Variants in DGKI observed in about 807,000 individuals in gnomAD.
DGKI encodes the protein diacylglycerol kinase iota.
Under a neutral mutation model 147.5 loss-of-function variants are expected in DGKI, and 55 were observed. That is an observed-to-expected ratio of 0.37 (90% CI 0.30 to 0.47). DGKI has a LOEUF of 0.47. Ranked by LOEUF, DGKI falls within the 20% of genes least tolerant of loss-of-function variation. DGKI has a pLI of 1.00. For missense variants in DGKI, 1,007 were observed against 1,323.8 expected, an observed-to-expected ratio of 0.76 and a Z score of 3.71; for synonymous variants, 469 against 477.1, an observed-to-expected ratio of 0.98 and a Z score of 0.22.
intron 19 of DGKI, among the ~76,000 whole-genome samples, chr7:137,559,273 G>A (rs962915438): frequency 4.6e-5 from 7 of 150,702 alleles, no homozygotes; most frequent in African/African-American, 7.3e-5. Flanking sequence ...GGGTTTCACC[G>A]TTATAGCCGG....
chr7:137,392,125 A>G (rs1562990780), intron 32 of DGKI, among the ~76,000 whole-genome samples: 1 of 152,204 alleles, frequency 6.6e-6, no homozygotes, highest in Non-Finnish European at 1.5e-5. Flanking sequence ...GTAATATATC[A>G]TAAATTTGTC....
chr7:137,647,462 A>G (rs1345145012), intron 5 of DGKI, among the ~76,000 whole-genome samples: 2 of 152,178 alleles, frequency 1.3e-5, no homozygotes, highest in Non-Finnish European at 2.9e-5. Flanking sequence ...ATGCTGTCTG[A>G]GCAATATTAC....
rs913657766 is a variant in DGKI at position 137,390,857 on chromosome 7, C to A, written c.*363G>T. On this transcript the variant is annotated 3_prime_UTR_variant, in exon 33 of 33. Coordinates refer to ENST00000614521, the MANE Select transcript of DGKI (RefSeq NM_001321708.2). Reference sequence around the variant, plus strand: ...GAATTGTATGGTACAGGGAAAAAAACCAATGCATAGGGGGAGGATGGAGCA... The same window carrying A: ...GAATTGTATGGTACAGGGAAAAAAAACAATGCATAGGGGGAGGATGGAGCA... 1.7e-5 allele frequency: 4 copies of A among 232,660 alleles called. No homozygotes were observed. The highest frequency in any genetic ancestry group is 3.4e-5 in the Non-Finnish European group (4 of 117,998). 14.4% of individuals were successfully genotyped at this position (232,660 alleles called of 1,614,324 possible). A position where few individuals can be genotyped will look rare whatever the true frequency, so the allele number is the denominator to read the frequency against.
rs528009584 is a variant in DGKI, at chr7:137,701,694, A to G, written c.402-11692T>C. Among the ~76,000 whole-genome samples, 6 of 152,302 alleles carry G rather than the reference A, an allele frequency of 3.9e-5. No individual in the cohort carries two copies. The East Asian group carries it at 9.6e-4, about 24-fold the overall frequency. On this transcript the variant is annotated intron_variant, in intron 1 of 32. Transcript: ENST00000614521. ...AAAACATCACTGATAAAAATTAAAG[A>G]TGTAAATAAACATACCATATTTGTG...
intron 8 of DGKI, among the ~76,000 whole-genome samples, chr7:137,617,540 G>C (rs147001451): frequency 2.2e-4 from 34 of 152,076 alleles, no homozygotes; most frequent in African/African-American, 8.0e-4. Flanking sequence ...TACAGACTAA[G>C]TGGTATGCTG....
In DGKI at chr7:137,610,098, C is replaced by T. The variant is rs368385249; in HGVS notation, c.994-489G>A. 5.4e-5 allele frequency among the ~76,000 whole-genome samples: 8 copies of T among 148,026 alleles called. No individual in the cohort carries two copies. In the South Asian group the frequency reaches 1.7e-3, roughly 32 times the overall value. On this transcript the variant is annotated intron_variant, in intron 8 of 32. Coordinates refer to ENST00000614521, the MANE Select transcript of DGKI (RefSeq NM_001321708.2). ...TTTACTCTTTTGGTAATGATCTTTT[C>T]TAGTAATAGTCATAAAGTGACTCTT...
chr7:137,535,686 T>C (rs1257091433), intron 20 of DGKI, among the ~76,000 whole-genome samples: 1 of 152,158 alleles, frequency 6.6e-6, no homozygotes, highest in East Asian at 1.9e-4. Context: ...TCTACACCTA[T>C]GAGGACATAA....
chr7:137,767,179 C>T (rs1398253347), intron 1 of DGKI, among the ~76,000 whole-genome samples: 1 of 152,158 alleles, frequency 6.6e-6, no homozygotes, highest in Non-Finnish European at 1.5e-5. Context: ...CTGATGGCTG[C>T]AGATCTCCTG....
At chr7:137,511,794 A>T (rs1037340435) in intron 21 of DGKI, among the ~76,000 whole-genome samples, 1 of 152,212 alleles carries the variant, frequency 6.6e-6, no homozygotes, top group Non-Finnish European at 1.5e-5. Flanking sequence ...AGAGGCTAAA[A>T]GTTTGCTGAT....
chr7:137,460,413 A>C (rs1476351114), intron 27 of DGKI, among the ~76,000 whole-genome samples: 1 of 152,236 alleles, frequency 6.6e-6, no homozygotes, highest in African/African-American at 2.4e-5. Context: ...AAAAACCCAC[A>C]TATATCAATA....
intron 1 of DGKI, among the ~76,000 whole-genome samples, chr7:137,736,175 A>G (rs1795015351): frequency 6.6e-6 from 1 of 152,168 alleles, no homozygotes; most frequent in South Asian, 2.1e-4. Context: ...TTCAGAGAAG[A>G]TGTCATTAAT....
At chr7:137,509,470 G>A (rs1190207784) in intron 21 of DGKI, among the ~76,000 whole-genome samples, 2 of 152,154 alleles carry the variant, frequency 1.3e-5, no homozygotes, top group Non-Finnish European at 2.9e-5. Context: ...GAGGGAAAAG[G>A]AGCAAGAGTG....
At chr7:137,543,509 C>T (rs1205169348) in intron 20 of DGKI, among the ~76,000 whole-genome samples, 6 of 151,988 alleles carry the variant, frequency 3.9e-5, no homozygotes, top group Non-Finnish European at 8.8e-5. Context: ...ACCATGTACT[C>T]CATTCCTGGA....
At chr7:137,403,910 C>T (rs531538933) in intron 30 of DGKI, among the ~76,000 whole-genome samples, 1 of 151,936 alleles carries the variant, frequency 6.6e-6, no homozygotes, top group South Asian at 2.1e-4. Context: ...AAATCTGATG[C>T]TAATTTAAAA....
At chr7:137,468,702 T>A (rs1814756465) in intron 24 of DGKI, among the ~76,000 whole-genome samples, 1 of 152,200 alleles carries the variant, frequency 6.6e-6, no homozygotes, top group African/African-American at 2.4e-5. Flanking sequence ...TACATTGCAG[T>A]CATGCTAGGC....
chr7:137,757,206 C>T (rs746616914), intron 1 of DGKI, among the ~76,000 whole-genome samples: 5 of 151,906 alleles, frequency 3.3e-5, no homozygotes, highest in Non-Finnish European at 7.4e-5. Flanking sequence ...GGGCTTCCCC[C>T]ACCCCACTTC....
intron 5 of DGKI, among the ~76,000 whole-genome samples, chr7:137,653,043 C>A (rs1822089413): frequency 6.6e-6 from 1 of 152,218 alleles, no homozygotes; most frequent in South Asian, 2.1e-4. Flanking sequence ...CAACTAAACT[C>A]ATTACCTCCC....
At chr7:137,451,090 A>G (rs1412571651) in intron 27 of DGKI, among the ~76,000 whole-genome samples, 1 of 152,190 alleles carries the variant, frequency 6.6e-6, no homozygotes, top group African/African-American at 2.4e-5. Flanking sequence ...AGTCCCTTGA[A>G]TTTTTAAAGT....
intron 28 of DGKI, among the ~76,000 whole-genome samples, chr7:137,426,046 G>C (rs181281711): frequency 1.2e-3 from 190 of 152,194 alleles, no homozygotes; most frequent in Non-Finnish European, 2.1e-3. Context: ...GAAATACAGA[G>C]AACGCCACAA....
Sources: allele counts gnomAD v4.1 joint callset (sites outside exome capture counted in the v4.1 genomes callset), GRCh38; gene constraint gnomAD v4.1.1; transcripts MANE v1.5; gene names NCBI Gene and HGNC (gene_info 2026-07-23, HGNC 2026-07-21).